FBLN1: variants seen among roughly 807,000 people sequenced by gnomAD.
The protein encoded by FBLN1 is fibulin 1.
In FBLN1, 34 loss-of-function variants were observed where a neutral mutation model predicts 89.7. The observed-to-expected ratio is 0.38, with a 90% confidence interval of 0.29 to 0.50. The LOEUF is 0.50. Among genes scored for constraint, FBLN1 ranks in the 20% least tolerant of loss-of-function variants. The pLI, the probability that FBLN1 is intolerant of heterozygous loss-of-function variation, is 0.92. For synonymous variants in FBLN1, 393 were observed against 391.3 expected (o/e 1.00, Z -0.05); for missense variants, 777 against 988.1 (o/e 0.79, Z 2.86).
chr22:45,504,482 G>A (rs1029455299), intron 1 of FBLN1, among the ~76,000 whole-genome samples: 2 of 152,140 alleles, frequency 1.3e-5, no homozygotes, highest in Non-Finnish European at 2.9e-5. Context: ...CCAGCAAGCA[G>A]CAGGCCGGGT....
chr22:45,573,503 GTC>G (rs1434568868), intron 14 of FBLN1, among the ~76,000 whole-genome samples: 1 of 151,184 alleles, frequency 6.6e-6, no homozygotes, highest in African/African-American at 2.4e-5. Flanking sequence ...GTAAAACCCT[GTC>G]TCTACTAAAA....
chr22:45,503,194 A>C, intron 1 of FBLN1, 130 bp downstream of exon 1: 44 of 296,844 alleles, frequency 1.5e-4, no homozygotes, highest in Non-Finnish European at 1.8e-4. Flanking sequence ...CCGGACTGTC[A>C]GCGCCGAGGC....
chr22:45,518,673 C>A lies in FBLN1; in HGVS notation c.80-9C>A. 1 of 1,591,338 alleles carries A rather than the reference C, an allele frequency of 6.3e-7. No homozygotes were observed. Among genetic ancestry groups the A allele is most frequent in the Admixed American group, 1.8e-5 (1 of 56,790 alleles). Reference sequence around the variant, plus strand: ...AGCCACCTCTCAGCTTGTTCTCTTCCCTGCACAGTGGACGCGGATGTCCTC... The same window carrying A: ...AGCCACCTCTCAGCTTGTTCTCTTCACTGCACAGTGGACGCGGATGTCCTC... On this transcript the variant is annotated splice_polypyrimidine_tract_variant and intron_variant, in intron 1 of 16. Transcript: ENST00000327858.
chr22:45,542,027 AGTC>A (rs1245331752), intron 9 of FBLN1, 125 bp from the exon 10 acceptor site: 2 of 1,393,174 alleles, frequency 1.4e-6, no homozygotes, highest in Non-Finnish European at 2.0e-6. Flanking sequence ...TGCTCTGTGA[AGTC>A]GTGTTGAAAT....
intron 16 of FBLN1, among the ~76,000 whole-genome samples, chr22:45,591,579 A>G (rs183410038): frequency 2.0e-5 from 3 of 152,258 alleles, no homozygotes; most frequent in East Asian, 1.9e-4. Flanking sequence ...GACACTTAGT[A>G]TTTTAAATAT....
intron 1 of FBLN1, among the ~76,000 whole-genome samples, chr22:45,505,248 T>C (rs1706106517): frequency 6.6e-6 from 1 of 152,226 alleles, no homozygotes; most frequent in African/African-American, 2.4e-5. Flanking sequence ...TCCAAGGCTT[T>C]CTTGGCCTCT....
Position 45,598,068 on chromosome 22 carries a change from G to A in FBLN1, c.1973-2239G>A, listed in dbSNP as rs548890919. Among the ~76,000 whole-genome samples the A allele has an allele frequency of 7.2e-5, 11 of 152,320 alleles. No individual in the cohort carries two copies. The South Asian group carries it at 2.1e-3, about 29-fold the overall frequency. On this transcript the variant is annotated intron_variant, in intron 16 of 16. Coordinates refer to ENST00000327858, the MANE Select transcript of FBLN1 (RefSeq NM_006486.3). ...GTCACCGTGCACGTTTCCTAAGCCT[G>A]CAGAGGAACTGTTCACAGAATCCAG...
In FBLN1 at chr22:45,542,208, G is replaced by A. The variant is rs61735503; in HGVS notation, c.1120G>A (p.Val374Met). The A allele has an allele frequency of 7.4e-4, 1,198 of 1,614,206 alleles. 4 individuals carry two copies. The African/African-American group carries it at 0.013, about 17-fold the overall frequency. Reference sequence around the variant, plus strand: ...GCCCTGTGGGAAGGGACATCGCTGCGTGAACTCTCCCGGCAGTTTCCGCTG... The same window carrying A: ...GCCCTGTGGGAAGGGACATCGCTGCATGAACTCTCCCGGCAGTTTCCGCTG... Reference protein sequence around the residue: ...AEPCGKGHRCVNSPGSFRCEC... With the variant: ...AEPCGKGHRCMNSPGSFRCEC... Residue 374 changes from valine to methionine, a missense_variant, in exon 10 of 17, where the codon GTG becomes ATG. Physicochemically the swap from Val to Met is conservative, Grantham distance 21. Coordinates refer to ENST00000327858, the MANE Select transcript of FBLN1 (RefSeq NM_006486.3).
intron 16 of FBLN1, among the ~76,000 whole-genome samples, chr22:45,593,714 A>G (rs3788671): frequency 0.3 from 45,233 of 151,876 alleles, 10,050 homozygotes; most frequent in African/African-American, 0.63. Context: ...CGGAGCCTTC[A>G]GTGGCTCCCC....
At position 45,563,393 on chromosome 22, in the gene FBLN1, G is replaced by A; in HGVS notation, c.1698-11118G>A. The A allele has an allele frequency of 2.0e-6, 3 of 1,533,864 alleles. No homozygotes were observed. Among genetic ancestry groups the A allele is most frequent in the South Asian group, 1.2e-5 (1 of 83,658 alleles). ...GCGTGCCTTGGTTTTATTTGGCATG[G>A]TTGGGAGTCTGTGCCGCTTGTTACC... On this transcript the variant is annotated intron_variant, in intron 14 of 16. Coordinates refer to ENST00000327858, the MANE Select transcript of FBLN1 (RefSeq NM_006486.3). This position sits in a 1 kb window ranked among gnomAD's most constrained non-coding sequence, Gnocchi z 5.7.
At position 45,575,096 on chromosome 22, in the gene FBLN1, A is replaced by G. The variant is rs1346297873; in HGVS notation, c.1840+443A>G. ...CGCGCCTGGCAACTTGACATGCAGA[A>G]CTTTCTTTGTGTCTGTGTCCCCCCC... On this transcript the variant is annotated intron_variant, in intron 15 of 16. Coordinates refer to ENST00000327858, the MANE Select transcript of FBLN1 (RefSeq NM_006486.3). The surrounding 1 kb of genome is among the most constrained non-coding windows in gnomAD (Gnocchi z 6.3). 6.6e-6 allele frequency among the ~76,000 whole-genome samples: 1 copy of G among 152,078 alleles called. No individual in the cohort carries two copies. Among genetic ancestry groups the G allele is most frequent in the East Asian group, 1.9e-4 (1 of 5,188 alleles).
chr22:45,595,070 G>C (rs1161883109), intron 16 of FBLN1, among the ~76,000 whole-genome samples: 1 of 152,138 alleles, frequency 6.6e-6, no homozygotes, highest in Admixed American at 6.5e-5. Flanking sequence ...GGGTTCAGTC[G>C]AGGTGAGGGC....
At chr22:45,564,202 C>G (rs2088881101) in intron 14 of FBLN1, among the ~76,000 whole-genome samples, 1 of 152,188 alleles carries the variant, frequency 6.6e-6, no homozygotes, top group African/African-American at 2.4e-5. Flanking sequence ...CCCTGCCTCC[C>G]TCCATCTCCT....
chr22:45,546,826 C>T (rs1416065373), intron 11 of FBLN1, among the ~76,000 whole-genome samples: 1 of 152,184 alleles, frequency 6.6e-6, no homozygotes, highest in African/African-American at 2.4e-5. Flanking sequence ...GGCAGACTTC[C>T]AGGGGCCAAG....
At chr22:45,558,543 G>A (rs1328394847) in intron 14 of FBLN1, 1 of 161,438 alleles carries the variant, frequency 6.2e-6, no homozygotes, top group Non-Finnish European at 1.3e-5. Flanking sequence ...GATCTGCTGG[G>A]TCATATGGCC....
chr22:45,596,213 G>A (rs1253400896), intron 16 of FBLN1, among the ~76,000 whole-genome samples: 1 of 152,182 alleles, frequency 6.6e-6, no homozygotes, highest in African/African-American at 2.4e-5. Flanking sequence ...AGGAAATTGA[G>A]ACTCAGGAAG....
Position 45,574,579 on chromosome 22 carries a change from T to C in FBLN1, c.1766T>C (p.Val589Ala). Reference sequence around the variant, plus strand: ...TGCCGCCCCAACGATGTCACATGCGTGTTCGACCCCGTGCACACCATCTCC... The same window carrying C: ...TGCCGCCCCAACGATGTCACATGCGCGTTCGACCCCGTGCACACCATCTCC... ...KSCRPNDVTC[V>A]FDPVHTISHT... The change falls in exon 15 of 17, where the codon GTG becomes GCG. Residue 589 changes from valine (V) to alanine (A), a missense_variant. Val to Ala is a moderately conservative substitution (Grantham distance 64). Coordinates refer to ENST00000327858, the MANE Select transcript of FBLN1 (RefSeq NM_006486.3). This position sits in a 1 kb window ranked among gnomAD's most constrained non-coding sequence, Gnocchi z 4.1. The C allele has an allele frequency of 6.2e-7, 1 of 1,614,176 alleles. No homozygotes were observed. Among genetic ancestry groups the C allele is most frequent in the Non-Finnish European group, 8.5e-7 (1 of 1,180,030 alleles).
In FBLN1 at chr22:45,574,576, G is replaced by A. The variant is rs2088977805; in HGVS notation, c.1763G>A (p.Cys588Tyr). The A allele has an allele frequency of 6.2e-7, 1 of 1,614,168 alleles. No individual in the cohort carries two copies. Among genetic ancestry groups the A allele is most frequent in the Non-Finnish European group, 8.5e-7 (1 of 1,180,022 alleles). ...TCCTGCCGCCCCAACGATGTCACAT[G>A]CGTGTTCGACCCCGTGCACACCATC... ...IKSCRPNDVT[C>Y]VFDPVHTISH... The change falls in exon 15 of 17, where the codon TGC becomes TAC. Residue 588 changes from cysteine to tyrosine, a missense_variant. By Grantham distance (194) the Cys-to-Tyr change is radical. Transcript: ENST00000327858. This position sits in a 1 kb window ranked among gnomAD's most constrained non-coding sequence, Gnocchi z 4.1.
chr22:45,537,339 C>T lies in FBLN1; in HGVS notation c.922+2002C>T, dbSNP rs2146974079. 6.6e-6 allele frequency among the ~76,000 whole-genome samples: 1 copy of T among 152,306 alleles called. No homozygotes were observed. Among genetic ancestry groups the T allele is most frequent in the East Asian group, 1.9e-4 (1 of 5,190 alleles). Reference sequence around the variant, plus strand: ...GATATTTAAAGATAAGTGGATGTGGCCGGGCACAGTGACTCACGCCTGTAA... The same window carrying T: ...GATATTTAAAGATAAGTGGATGTGGTCGGGCACAGTGACTCACGCCTGTAA... On this transcript the variant is annotated intron_variant, in intron 8 of 16. Coordinates refer to ENST00000327858, the MANE Select transcript of FBLN1 (RefSeq NM_006486.3). The surrounding 1 kb of genome is among the most constrained non-coding windows in gnomAD (Gnocchi z 5.7).
Sources: allele counts gnomAD v4.1 joint callset (sites outside exome capture counted in the v4.1 genomes callset), GRCh38; gene constraint gnomAD v4.1.1; non-coding constraint Gnocchi (gnomAD v3.1); transcripts MANE v1.5; gene names NCBI Gene and HGNC (gene_info 2026-07-23, HGNC 2026-07-21).